ZFHX3: variants seen among roughly 807,000 people sequenced by gnomAD.
ZFHX3 encodes the protein zinc finger homeobox 3, also known as zinc finger homeobox protein 3.
Under a neutral mutation model 279.1 loss-of-function variants are expected in ZFHX3, and 42 were observed. That is an observed-to-expected ratio of 0.15 (90% CI 0.12 to 0.19). The LOEUF is 0.19. Ranked by LOEUF, ZFHX3 falls within the 10% of genes least tolerant of loss-of-function variation. The pLI is 1.00. For missense variants in ZFHX3, 4,981 were observed against 4,754.0 expected, an observed-to-expected ratio of 1.05 and a Z score of -1.40; for synonymous variants, 2,293 against 1,957.8, an observed-to-expected ratio of 1.17 and a Z score of -4.52.
chr16:73,704,866 T>C (rs1005243678), intron 1 of ZFHX3, among the ~76,000 whole-genome samples: 2 of 152,114 alleles, frequency 1.3e-5, no homozygotes, highest in South Asian at 2.1e-4. Context: ...ACCTGAGAGG[T>C]GAGGAAGCTC....
At chr16:73,513,043 G>T (rs941317326) in intron 2 of ZFHX3, among the ~76,000 whole-genome samples, 11 of 152,172 alleles carry the variant, frequency 7.2e-5, no homozygotes, top group African/African-American at 2.4e-4. Context: ...AATAGCACAG[G>T]CCAGATAGTG....
At chr16:73,725,897 C>T (rs2053514581) in intron 1 of ZFHX3, among the ~76,000 whole-genome samples, 1 of 152,160 alleles carries the variant, frequency 6.6e-6, no homozygotes, top group Admixed American at 6.5e-5. Context: ...CACTAAGCCA[C>T]AGCATTATGG....
chr16:73,491,052 T>C (rs919895504), intron 2 of ZFHX3, among the ~76,000 whole-genome samples: 1 of 152,224 alleles, frequency 6.6e-6, no homozygotes, highest in African/African-American at 2.4e-5. Flanking sequence ...GTCATCGAAA[T>C]ATTCTTGGTC....
chr16:73,410,414 T>C (rs1201669195), intron 3 of ZFHX3, among the ~76,000 whole-genome samples: 1 of 152,136 alleles, frequency 6.6e-6, no homozygotes. Flanking sequence ...AGACTCTGTC[T>C]CAAAACAAAA....
intron 4 of ZFHX3, among the ~76,000 whole-genome samples, chr16:72,882,172 C>CTTTT (rs11298791): frequency 1.9e-5 from 2 of 103,792 alleles, no homozygotes; most frequent in Admixed American, 2.1e-4. Flanking sequence ...CCCCTTTTTC[C>CTTTT]TTTTTTTTTT....
intron 1 of ZFHX3, among the ~76,000 whole-genome samples, chr16:72,997,342 C>T (rs1057461430): frequency 6.6e-6 from 1 of 152,174 alleles, no homozygotes; most frequent in African/African-American, 2.4e-5. Flanking sequence ...GCAACAGCTG[C>T]CTTCCTTTAA....
At chr16:73,325,131 G>A (rs1235134910) in intron 3 of ZFHX3, among the ~76,000 whole-genome samples, 6 of 152,198 alleles carry the variant, frequency 3.9e-5, no homozygotes, top group African/African-American at 1.4e-4. Flanking sequence ...GAACACAGGG[G>A]GCCCTGGAGT....
chr16:73,551,622 G>C (rs888215798), intron 2 of ZFHX3, among the ~76,000 whole-genome samples: 3 of 152,116 alleles, frequency 2.0e-5, no homozygotes, highest in Admixed American at 2.0e-4. Context: ...TCTAGAGCTG[G>C]CTAAAATTCA....
intron 3 of ZFHX3, among the ~76,000 whole-genome samples, chr16:72,895,703 A>G (rs1424843510): frequency 6.6e-6 from 1 of 152,218 alleles, no homozygotes; most frequent in African/African-American, 2.4e-5. Flanking sequence ...ACATGCCTGT[A>G]GTCTTAACTA....
chr16:73,504,960 G>C (rs537228697), intron 2 of ZFHX3: 2 of 152,054 alleles, frequency 1.3e-5, no homozygotes, highest in African/African-American at 4.8e-5. Context: ...AAAAAAACCA[G>C]TGTATTCCTT....
intron 1 of ZFHX3, among the ~76,000 whole-genome samples, chr16:73,702,435 G>T (rs1235713115): frequency 6.6e-6 from 1 of 152,170 alleles, no homozygotes. Flanking sequence ...TTTCTTCCAG[G>T]ATTCACAGAC....
At chr16:73,598,520 C>A (rs1429543443) in intron 2 of ZFHX3, among the ~76,000 whole-genome samples, 1 of 150,968 alleles carries the variant, frequency 6.6e-6, no homozygotes, top group African/African-American at 2.4e-5. Flanking sequence ...CAGGCTCAAG[C>A]AATCCTTCCA....
rs554214355 is a variant in ZFHX3, at chr16:73,291,324, C to T, written c.-1194+26916G>A. ...CCCATGGCCATCATCAAAGGGAAGG[C>T]AGGGGTGAGGAATTCGGGGAGCTGC... On this transcript the variant is annotated intron_variant, in intron 4 of 17. Coordinates refer to the ZFHX3 transcript ENST00000641206. 1.1e-4 allele frequency among the ~76,000 whole-genome samples: 16 copies of T among 152,240 alleles called. 1 individual carries two copies. The South Asian group carries it at 3.3e-3, about 32-fold the overall frequency.
chr16:73,514,604 A>G (rs1258879325), intron 2 of ZFHX3, among the ~76,000 whole-genome samples: 2 of 151,934 alleles, frequency 1.3e-5, no homozygotes, highest in Non-Finnish European at 2.9e-5. Flanking sequence ...CTATCATCTC[A>G]TGTAACCATC....
chr16:73,504,064 A>G (rs1163967920), intron 2 of ZFHX3, among the ~76,000 whole-genome samples: 1 of 152,214 alleles, frequency 6.6e-6, no homozygotes, highest in East Asian at 1.9e-4. Flanking sequence ...AGTCTGATTA[A>G]TAAGTAAACA....
At position 73,308,623 on chromosome 16, in the gene ZFHX3, C is replaced by T. The variant is rs562861650; in HGVS notation, c.-1194+9617G>A. 1.3e-3 allele frequency among the ~76,000 whole-genome samples: 194 copies of T among 152,082 alleles called. 1 individual carries two copies. The highest frequency in any genetic ancestry group is 4.5e-3 in the African/African-American group (186 of 41,482). ...CGCCCAGCCTATTTTTTAATTCTCGCATTGAATTTTGTAGTGCTAAGCTAG... is the reference window on the plus strand; with the variant it reads ...CGCCCAGCCTATTTTTTAATTCTCGTATTGAATTTTGTAGTGCTAAGCTAG... On this transcript the variant is annotated intron_variant, in intron 4 of 17. Transcript: ENST00000641206.
At chr16:72,945,264 C>T (rs1323037738) in intron 3 of ZFHX3, among the ~76,000 whole-genome samples, 1 of 152,224 alleles carries the variant, frequency 6.6e-6, no homozygotes, top group Non-Finnish European at 1.5e-5. Context: ...TACGTTCCCA[C>T]AGCAGTGATG....
intron 3 of ZFHX3, among the ~76,000 whole-genome samples, chr16:73,439,917 AAAAAAAAAAAAAAAACAC>A (rs2018058783): frequency 6.8e-6 from 1 of 146,668 alleles, no homozygotes; most frequent in African/African-American, 2.7e-5. Flanking sequence ...GACAAAAAAA[AAAAAAAAAAAAAAAACAC>A]AAAAAAAAAA....
At chr16:72,912,466 C>A (rs2039343063) in intron 3 of ZFHX3, among the ~76,000 whole-genome samples, 1 of 152,162 alleles carries the variant, frequency 6.6e-6, no homozygotes, top group African/African-American at 2.4e-5. Context: ...CAAAATACAT[C>A]TGAAAAGAAA....
Sources: gnomAD v4.1 joint callset for allele counts (sites outside exome capture counted in the v4.1 genomes callset) on GRCh38, gnomAD v4.1.1 for gene constraint, MANE v1.5 for transcripts, NCBI Gene and HGNC (gene_info 2026-07-23, HGNC 2026-07-21) for gene names.